PARD6G: variants seen among roughly 807,000 people sequenced by gnomAD.
PARD6G encodes the protein par-6 family cell polarity regulator gamma, also known as partitioning defective 6 homolog gamma.
In PARD6G, 7 loss-of-function variants were observed where a neutral mutation model predicts 10.7. The ratio of observed to expected loss-of-function variants is 0.66; its 90% CI spans 0.37 to 1.23. PARD6G has a LOEUF of 1.23. Among genes scored for constraint, PARD6G ranks in the 50% most tolerant of loss-of-function variants. The probability of loss-of-function intolerance (pLI) is 0.02; values close to 1 mark genes in which losing one functional copy is unlikely to be tolerated. For missense variants in PARD6G, 548 were observed against 571.8 expected (o/e 0.96, Z 0.42); for synonymous variants, 287 against 269.4 (o/e 1.07, Z -0.64).
At chr18:80,166,366 C>G (rs898445297) in intron 2 of PARD6G, among the ~76,000 whole-genome samples, 8 of 151,500 alleles carry the variant, frequency 5.3e-5, no homozygotes, top group African/African-American at 1.7e-4. Context: ...CCACTGCATT[C>G]TGCTAAGCAG....
In PARD6G at chr18:80,175,350, C is replaced by T. The variant is rs780399069; in HGVS notation, c.296-14744G>A. Among the ~76,000 whole-genome samples, 3 of 152,152 alleles carry T rather than the reference C, an allele frequency of 2.0e-5. No individual in the cohort carries two copies. Among genetic ancestry groups the T allele is most frequent in the Non-Finnish European group, 4.4e-5 (3 of 68,040 alleles). ...GGCTGGAAAGTCCCATATCAAGGTC[C>T]GGCTTGTAACAGTTTCTGGGGAGGG... On this transcript the variant is annotated intron_variant, in intron 2 of 2. Transcript: ENST00000353265. This position sits in a 1 kb window ranked among gnomAD's most constrained non-coding sequence, Gnocchi z 6.7.
intron 1 of PARD6G, among the ~76,000 whole-genome samples, chr18:80,244,082 C>T (rs1455139164): frequency 6.6e-6 from 1 of 152,152 alleles, no homozygotes; most frequent in Non-Finnish European, 1.5e-5. Flanking sequence ...AATTCATCTC[C>T]ATTTACCGCC....
intron 1 of PARD6G, among the ~76,000 whole-genome samples, chr18:80,230,393 TG>T (rs958238378): frequency 1.3e-5 from 2 of 152,198 alleles, no homozygotes; most frequent in African/African-American, 4.8e-5. Context: ...TGTTGGAGCG[TG>T]GGACTCGGCA....
At chr18:80,244,962 A>G (rs1388684943) in intron 1 of PARD6G, among the ~76,000 whole-genome samples, 1 of 152,202 alleles carries the variant, frequency 6.6e-6, no homozygotes, top group Non-Finnish European at 1.5e-5. Context: ...TGGGGAGGGC[A>G]CAACAGCAAG....
intron 1 of PARD6G, among the ~76,000 whole-genome samples, chr18:80,216,924 G>A (rs1486608934): frequency 6.6e-6 from 1 of 152,102 alleles, no homozygotes; most frequent in African/African-American, 2.4e-5. Flanking sequence ...TGGTGAAGGG[G>A]ACATTGCTAT....
intron 1 of PARD6G, among the ~76,000 whole-genome samples, chr18:80,221,496 T>C (rs1345604960): frequency 6.6e-6 from 1 of 152,060 alleles, no homozygotes; most frequent in African/African-American, 2.4e-5. Context: ...TTTGACAAAA[T>C]CTAACACTCT....
At chr18:80,186,445 CCA>C (rs1250225592) in intron 2 of PARD6G, among the ~76,000 whole-genome samples, 6 of 143,378 alleles carry the variant, frequency 4.2e-5, no homozygotes, top group East Asian at 2.1e-4. Context: ...GCTTGCACAC[CCA>C]CACACGCATA....
intron 1 of PARD6G, among the ~76,000 whole-genome samples, chr18:80,227,004 G>T (rs764735948): frequency 9.2e-5 from 14 of 152,086 alleles, no homozygotes; most frequent in Non-Finnish European, 1.6e-4. Context: ...TTATTCTGTT[G>T]CCCAGGCTGC....
chr18:80,163,012 G>A (rs538523558), intron 2 of PARD6G, among the ~76,000 whole-genome samples: 1 of 152,310 alleles, frequency 6.6e-6, no homozygotes, highest in Admixed American at 6.5e-5. Flanking sequence ...TGGATCCATG[G>A]GGCCGCAGAT....
rs1304755408 is a variant in PARD6G, at chr18:80,180,392, C to G, written c.296-19786G>C. 6.6e-6 allele frequency among the ~76,000 whole-genome samples: 1 copy of G among 152,174 alleles called. No individual in the cohort carries two copies. Among genetic ancestry groups the G allele is most frequent in the African/African-American group, 2.4e-5 (1 of 41,440 alleles). On this transcript the variant is annotated intron_variant, in intron 2 of 2. Coordinates refer to ENST00000353265, the MANE Select transcript of PARD6G (RefSeq NM_032510.4). The surrounding 1 kb of genome is among the most constrained non-coding windows in gnomAD (Gnocchi z 5.6). ...CAGCCGGCAGCACCTGGGAATGCAG[C>G]ACTGTGCTCTTCCTGGGGGCTGTGG...
intron 2 of PARD6G, among the ~76,000 whole-genome samples, chr18:80,166,953 T>C (rs1271710694): frequency 2.6e-5 from 4 of 152,080 alleles, no homozygotes; most frequent in Admixed American, 1.3e-4. Context: ...TAACATCCCA[T>C]GCTGACCCCT....
At chr18:80,186,567 GC>G (rs1331495902) in intron 2 of PARD6G, among the ~76,000 whole-genome samples, 1 of 151,060 alleles carries the variant, frequency 6.6e-6, no homozygotes, top group Admixed American at 6.6e-5. Context: ...TGCACACACA[GC>G]CCTTGCACAC....
rs1282794095 is a variant in PARD6G at position 80,184,220 on chromosome 18, CTT to C, written c.295+18488_295+18489del. On this transcript the variant is annotated intron_variant, in intron 2 of 2. Coordinates refer to ENST00000353265, the MANE Select transcript of PARD6G (RefSeq NM_032510.4). This position sits in a 1 kb window ranked among gnomAD's most constrained non-coding sequence, Gnocchi z 4.5. ...CAGGAACAAGACGAGGGTGTCCGCT[CTT>C]ATTCCTTTCAGCCTCGGCACTGATG... The C allele has an allele frequency of 6.6e-6, 1 of 152,264 alleles. No homozygotes were observed. The highest frequency in any genetic ancestry group is 1.5e-5 in the Non-Finnish European group (1 of 68,060). 9.4% of individuals were successfully genotyped at this position (152,264 alleles called of 1,614,324 possible).
chr18:80,247,316 C>T lies in PARD6G; in HGVS notation c.33G>A (p.Leu11=), dbSNP rs767815325. ...CCACTGCGCTGCAATCGTAGAATCG[C>T]AAGGTCTGAGACTTGTGAAAACTTC... MNRSFHKSQT[L]RFYDCSAVEV... The change falls in exon 1 of 3, where the codon TTG becomes TTA. Residue 11 remains leucine, a synonymous_variant. Transcript: ENST00000353265. The surrounding 1 kb of genome is among the most constrained non-coding windows in gnomAD (Gnocchi z 4.2). 1 of 1,585,468 alleles carries T rather than the reference C, an allele frequency of 6.3e-7. No homozygotes were observed. The highest frequency in any genetic ancestry group is 1.8e-5 in the Admixed American group (1 of 56,708).
intron 2 of PARD6G, among the ~76,000 whole-genome samples, chr18:80,187,104 A>C (rs1473931245): frequency 6.6e-6 from 1 of 151,774 alleles, no homozygotes; most frequent in Non-Finnish European, 1.5e-5. Flanking sequence ...CTCAAGAAAA[A>C]AAAAAAAAAG....
intron 1 of PARD6G, among the ~76,000 whole-genome samples, chr18:80,222,818 T>C (rs1028548959): frequency 1.3e-5 from 2 of 152,008 alleles, no homozygotes; most frequent in Non-Finnish European, 2.9e-5. Context: ...GGACTACAGG[T>C]GCACGCCACC....
chr18:80,177,520 G>A (rs879785287), intron 2 of PARD6G, among the ~76,000 whole-genome samples: 26 of 124,986 alleles, frequency 2.1e-4, no homozygotes, highest in African/African-American at 4.1e-4. Context: ...ACATGCATAC[G>A]TGCACACACA....
chr18:80,221,769 G>A lies in PARD6G; in HGVS notation c.73-18837C>T, dbSNP rs59222758. ...AGTTAAAATATCTCTATTCACAGAT[G>A]ATATGCATTTGTATATAGAAAATCC... is the stretch of plus-strand genomic sequence containing the variant. On this transcript the variant is annotated intron_variant, in intron 1 of 2. Coordinates refer to ENST00000353265, the MANE Select transcript of PARD6G (RefSeq NM_032510.4). Among the ~76,000 whole-genome samples, 1,327 of 152,286 alleles carry A rather than the reference G, an allele frequency of 8.7e-3. 23 individuals are homozygous for A. The highest frequency in any genetic ancestry group is 0.031 in the African/African-American group (1,271 of 41,552).
rs1344703851 is a variant in PARD6G, at chr18:80,234,656, C to A, written c.72+12621G>T. Among the ~76,000 whole-genome samples the A allele has an allele frequency of 2.6e-5, 4 of 151,954 alleles. No individual in the cohort carries two copies. The East Asian group carries it at 7.7e-4, about 29-fold the overall frequency. On this transcript the variant is annotated intron_variant, in intron 1 of 2. Transcript: ENST00000353265. ...GGCATGGTGGTGTGCACCTGTAGTC[C>A]CAGCTACTCGGGAGGGAGGCTGAGA...
Sources: allele counts gnomAD v4.1 joint callset (sites outside exome capture counted in the v4.1 genomes callset), GRCh38; gene constraint gnomAD v4.1.1; non-coding constraint Gnocchi (gnomAD v3.1); transcripts MANE v1.5; gene names NCBI Gene and HGNC (gene_info 2026-07-23, HGNC 2026-07-21).